The following PPIF variants were observed in gnomAD, a reference collection of about 807,000 sequenced individuals.
PPIF encodes peptidyl-prolyl cis-trans isomerase F, mitochondrial.
In PPIF, 23 loss-of-function variants were observed where a neutral mutation model predicts 20.2. The observed-to-expected ratio is 1.14, with a 90% CI of 0.82 to 1.61. The LOEUF is 1.61. Among genes scored for constraint, PPIF ranks in the 40% most tolerant of loss-of-function variants. The pLI is 0.00. For synonymous variants in PPIF, 113 were observed against 123.1 expected (o/e 0.92, Z 0.54); for missense variants, 287 against 291.6 (o/e 0.98, Z 0.11).
At position 79,353,222 on chromosome 10, in the gene PPIF, CTTCGCTG is replaced by C. The variant is rs201360022; in HGVS notation, c.489-484_489-478del. Among the ~76,000 whole-genome samples the C allele has an allele frequency of 4.7e-3, 709 of 152,366 alleles. 9 individuals carry two copies. Among genetic ancestry groups the C allele is most frequent in the African/African-American group, 0.016 (660 of 41,582 alleles). The stretch of plus-strand genomic sequence containing the variant: ...CTGCTCTTGGCTGGAACCACGCCAG[CTTCGCTG>C]GAGCTGGACTGAGCCGCCTTTTACA... On this transcript the variant is annotated intron_variant, in intron 5 of 5. Coordinates refer to ENST00000225174, the MANE Select transcript of PPIF (RefSeq NM_005729.4).
At chr10:79,347,851 A>T (rs888107808) in intron 1 of PPIF, 108 bp downstream of exon 1, 1 of 1,227,618 alleles carries the variant, frequency 8.1e-7, no homozygotes, top group Non-Finnish European at 1.0e-6. Flanking sequence ...GGGCCTCCCC[A>T]TGCCGAGCTC....
At chr10:79,351,713 CTG>C (rs1256626114) in intron 4 of PPIF, 130 bp downstream of exon 4, 1 of 745,706 alleles carries the variant, frequency 1.3e-6, no homozygotes, top group Non-Finnish European at 2.2e-6. Flanking sequence ...CCCTGCGACA[CTG>C]TAGGCTGTCT....
chr10:79,348,995 G>T, intron 1 of PPIF, 81 bp from the exon 2 acceptor site: 1 of 1,612,486 alleles, frequency 6.2e-7, no homozygotes, highest in Non-Finnish European at 8.5e-7. Context: ...CCACTGTGGG[G>T]GTGGGTGGGT....
rs372514155 is a variant in PPIF at position 79,351,306 on chromosome 10, C to CT, written c.316-169dup. Among the ~76,000 whole-genome samples, 831 of 139,550 alleles carry CT rather than the reference C, an allele frequency of 6.0e-3. 7 individuals are homozygous for CT. The highest frequency in any genetic ancestry group is 0.019 in the African/African-American group (737 of 38,078). 91.6% of individuals were successfully genotyped at this position (139,550 alleles called of 152,430 possible). ...GTGACAAAAGATATTTAAGTTTTGT[C>CT]TTTTTTTTTTTTGCTTATTATTCTT... On this transcript the variant is annotated intron_variant, in intron 3 of 5. Transcript: ENST00000225174.
intron 3 of PPIF, among the ~76,000 whole-genome samples, chr10:79,350,608 C>G (rs528683179): frequency 6.6e-6 from 1 of 152,232 alleles, no homozygotes; most frequent in African/African-American, 2.4e-5. Context: ...AGGCCTGGCC[C>G]AGCCCTAAGG....
In PPIF at chr10:79,354,183, G is replaced by A. The variant is rs1856019307; in HGVS notation, c.*341G>A. On this transcript the variant is annotated 3_prime_UTR_variant, in exon 6 of 6. Transcript: ENST00000225174. ...CCATCCAAGTGAAAGTCTTTTCCTT[G>A]ACCAAGGGGGACAGTCAGTTTTGCA... 6.6e-6 allele frequency: 2 copies of A among 304,336 alleles called. No individual in the cohort carries two copies. The highest frequency in any genetic ancestry group is 1.3e-5 in the Non-Finnish European group (2 of 159,762). The allele number at this position is 304,336 out of a possible 1,614,324, so 18.9% of individuals were successfully genotyped here. A position where few individuals can be genotyped will look rare whatever the true frequency, so the allele number is the denominator to read the frequency against.
At chr10:79,352,618 C>T (rs1422598120) in intron 5 of PPIF, among the ~76,000 whole-genome samples, 1 of 152,250 alleles carries the variant, frequency 6.6e-6, no homozygotes, top group Non-Finnish European at 1.5e-5. Context: ...CCCATTGTTG[C>T]TGTCACCTGG....
In PPIF at chr10:79,353,688, G is replaced by A. The variant is rs538237461; in HGVS notation, c.489-19G>A. 71 of 1,614,196 alleles carry A rather than the reference G, an allele frequency of 4.4e-5. 1 individual carries two copies. The highest frequency in any genetic ancestry group is 3.7e-4 in the South Asian group (34 of 91,080). On this transcript the variant is annotated intron_variant, in intron 5 of 5. Coordinates refer to ENST00000225174, the MANE Select transcript of PPIF (RefSeq NM_005729.4). ...CATTGCGCTACACTGTTGCTCACCC[G>A]GGTCACCCGTCCTCACAGGTTGGAT... is the stretch of plus-strand genomic sequence containing the variant.
At chr10:79,353,208 T>TGGAA (rs1856004276) in intron 5 of PPIF, among the ~76,000 whole-genome samples, 1 of 152,236 alleles carries the variant, frequency 6.6e-6, no homozygotes, top group South Asian at 2.1e-4. Flanking sequence ...TGCTCTTGGC[T>TGGAA]GGAACCACGC....
Position 79,347,602 on chromosome 10 carries a change from C to T in PPIF, c.54C>T (p.Arg18=). 1.4e-6 allele frequency: 2 copies of T among 1,431,742 alleles called. No homozygotes were observed. The highest frequency in any genetic ancestry group is 1.8e-6 in the Non-Finnish European group (2 of 1,089,868). The allele number at this position is 1,431,742 out of a possible 1,614,324, so 88.7% of individuals were successfully genotyped here. A position where few individuals can be genotyped will look rare whatever the true frequency, so the allele number is the denominator to read the frequency against. ...GGCTCGGCCTGCTCTCCGTCCCGCG[C>T]TCCGTGCCGCTGCGCCTCCCCGCGG... ...SRWLGLLSVP[R]SVPLRLPAAR... is the part of the protein sequence containing the mutation. The change falls in exon 1 of 6, where the codon CGC becomes CGT. Residue 18 remains arginine (R), a synonymous_variant. Transcript: ENST00000225174.
In PPIF at chr10:79,347,490, C is replaced by A. The variant is rs541808149; in HGVS notation, c.-59C>A. Reference sequence around the variant, plus strand: ...CGGGACTCGGCCTTCTGGGCGCGCGCGACGTCAGTTTGAGTTCTGTGTTCT... The same window carrying A: ...CGGGACTCGGCCTTCTGGGCGCGCGAGACGTCAGTTTGAGTTCTGTGTTCT... On this transcript the variant is annotated 5_prime_UTR_variant, in exon 1 of 6. Transcript: ENST00000225174. 2.5e-5 allele frequency: 31 copies of A among 1,254,026 alleles called. No individual in the cohort carries two copies. The highest frequency in any genetic ancestry group is 2.9e-5 in the Non-Finnish European group (29 of 1,000,214). 77.7% of individuals were successfully genotyped at this position (1,254,026 alleles called of 1,614,324 possible). A position where few individuals can be genotyped will look rare whatever the true frequency, so the allele number is the denominator to read the frequency against.
intron 3 of PPIF, 88 bp from the exon 4 acceptor site, chr10:79,351,398 CT>C: frequency 8.1e-7 from 1 of 1,238,930 alleles, no homozygotes; most frequent in Non-Finnish European, 1.1e-6. Context: ...ACTGGGTGGG[CT>C]TGGGTGGGCT....
Position 79,354,255 on chromosome 10 carries a change from T to C in PPIF, c.*413T>C. 5.4e-6 allele frequency: 1 copy of C among 183,646 alleles called. No homozygotes were observed. The highest frequency in any genetic ancestry group is 1.2e-5 in the Non-Finnish European group (1 of 86,452). 11.4% of individuals were successfully genotyped at this position (183,646 alleles called of 1,614,324 possible). Reference sequence around the variant, plus strand: ...AATATTGTCTTCCTAATTGGGATAATTTAATTAACAAGATTGACTAGAAGT... The same window carrying C: ...AATATTGTCTTCCTAATTGGGATAACTTAATTAACAAGATTGACTAGAAGT... On this transcript the variant is annotated 3_prime_UTR_variant, in exon 6 of 6. Coordinates refer to ENST00000225174, the MANE Select transcript of PPIF (RefSeq NM_005729.4).
Position 79,352,342 on chromosome 10 carries a change from T to A in PPIF, c.438T>A (p.Gly146=), listed in dbSNP as rs777758439. 1 of 1,614,138 alleles carries A rather than the reference T, an allele frequency of 6.2e-7. No individual in the cohort carries two copies. The highest frequency in any genetic ancestry group is 8.5e-7 in the Non-Finnish European group (1 of 1,180,012). The change falls in exon 5 of 6, where the codon GGT becomes GGA. Residue 146 remains glycine, a synonymous_variant. Coordinates refer to ENST00000225174, the MANE Select transcript of PPIF (RefSeq NM_005729.4). ...GTGTCCTGTCCATGGCTAATGCTGG[T>A]CCTAACACCAACGGCTCCCAGTTCT... ...GPGVLSMANA[G]PNTNGSQFFI...
chr10:79,347,825 C>T, intron 1 of PPIF, 82 bp downstream of exon 1: 1 of 1,239,616 alleles, frequency 8.1e-7, no homozygotes. Context: ...CGGTGCCGGG[C>T]GCGCTGGGTG....
At chr10:79,353,629 C>G in intron 5 of PPIF, 78 bp from the exon 6 acceptor site, 6 of 1,609,384 alleles carry the variant, frequency 3.7e-6, no homozygotes, top group Non-Finnish European at 5.1e-6. Flanking sequence ...TTTTCGGTAA[C>G]TAATTCCATG....
Position 79,347,650 on chromosome 10 carries a change from C to T in PPIF, c.102C>T (p.Ser34=). Residue 34 remains serine, a synonymous_variant, in exon 1 of 6, where the codon TCC becomes TCT. Transcript: ENST00000225174. The stretch of plus-strand genomic sequence containing the variant: ...CGGCCCGCGCCTGCAGCAAGGGCTC[C>T]GGCGACCCGTCCTCTTCCTCCTCCT... ...LPAARACSKG[S]GDPSSSSSSG... The T allele has an allele frequency of 1.4e-6, 2 of 1,464,620 alleles. No individual in the cohort carries two copies. The highest frequency in any genetic ancestry group is 9.1e-7 in the Non-Finnish European group (1 of 1,104,330). The allele number at this position is 1,464,620 out of a possible 1,614,324, so 90.7% of individuals were successfully genotyped here. A position where few individuals can be genotyped will look rare whatever the true frequency, so the allele number is the denominator to read the frequency against.
At chr10:79,349,627 C>T in intron 2 of PPIF, 38 bp from the exon 3 acceptor site, 1 of 1,611,578 alleles carries the variant, frequency 6.2e-7, no homozygotes, top group Non-Finnish European at 8.5e-7. Context: ...GGAATTGGGG[C>T]CTGGCCCTGT....
chr10:79,352,364 T>G lies in PPIF; in HGVS notation c.460T>G (p.Phe154Val). 6.2e-7 allele frequency: 1 copy of G among 1,614,156 alleles called. No individual in the cohort carries two copies. The highest frequency in any genetic ancestry group is 8.5e-7 in the Non-Finnish European group (1 of 1,180,010). ...TGGTCCTAACACCAACGGCTCCCAG[T>G]TCTTCATCTGCACCATAAAGACAGA... ...NAGPNTNGSQ[F>V]FICTIKTDWL... Residue 154 changes from phenylalanine (F) to valine (V), a missense_variant, in exon 5 of 6, where the codon TTC becomes GTC. Physicochemically the swap from Phe to Val is conservative, Grantham distance 50. Transcript: ENST00000225174.
Sources: gnomAD v4.1 joint callset for allele counts (sites outside exome capture counted in the v4.1 genomes callset) on GRCh38, gnomAD v4.1.1 for gene constraint, MANE v1.5 for transcripts, NCBI Gene and HGNC (gene_info 2026-07-23, HGNC 2026-07-21) for gene names.